SLC16A11: variants seen among roughly 807,000 people sequenced by gnomAD.
SLC16A11 encodes the protein solute carrier family 16 member 11, also known as monocarboxylate transporter 11.
SLC16A11 carries 24 observed loss-of-function variants against 26.0 expected under a neutral mutation model. The ratio of observed to expected loss-of-function variants is 0.92; its 90% confidence interval spans 0.67 to 1.30. The LOEUF (loss-of-function observed/expected upper bound fraction) is 1.30, where lower values mean the gene tolerates loss of function less well. SLC16A11 is among the 50% of genes most tolerant of loss of function. SLC16A11 has a pLI of 0.00. For missense variants in SLC16A11, 638 were observed against 597.7 expected, an observed-to-expected ratio of 1.07 and a Z score of -0.70; for synonymous variants, 332 against 296.0, an observed-to-expected ratio of 1.12 and a Z score of -1.25.
rs375539916 is a variant in SLC16A11 at position 7,041,864 on chromosome 17, G to T, written c.1159C>A (p.Leu387Met). ...ETGDFTASFL[L>M]SGSLILSGSF... ...CCGGAGAGGATCAAAGAACCAGACA[G>T]GAGGAAAGAGGCGGTGAAGTCTCCT... Residue 387 changes from leucine (L) to methionine (M), a missense_variant, in exon 5 of 5, where the codon CTG becomes ATG. Coordinates refer to ENST00000574600, the MANE Select transcript of SLC16A11 (RefSeq NM_001370549.1). 1.2e-6 allele frequency: 2 copies of T among 1,614,038 alleles called. No individual in the cohort carries two copies. Among genetic ancestry groups the T allele is most frequent in the Non-Finnish European group, 1.7e-6 (2 of 1,179,952 alleles).
chr17:7,042,824 GC>G lies in SLC16A11; in HGVS notation c.347-62del. 1 of 1,565,158 alleles carries G rather than the reference GC, an allele frequency of 6.4e-7. No individual in the cohort carries two copies. The highest frequency in any genetic ancestry group is 8.6e-7 in the Non-Finnish European group (1 of 1,156,176). ...GGGGACGCCCGCCCCAGCATTCCCA[GC>G]CCGGCTCTCCGCACCAGGCCCCCGC... On this transcript the variant is annotated intron_variant, in intron 3 of 4. Transcript: ENST00000574600. This position sits in a 1 kb window ranked among gnomAD's most constrained non-coding sequence, Gnocchi z 5.9.
chr17:7,042,101 A>G lies in SLC16A11; in HGVS notation c.1009T>C (p.Phe337Leu). 6.2e-7 allele frequency: 1 copy of G among 1,606,590 alleles called. No individual in the cohort carries two copies. The highest frequency in any genetic ancestry group is 8.5e-7 in the Non-Finnish European group (1 of 1,175,836). Residue 337 changes from phenylalanine to leucine, a missense_variant, in exon 4 of 5, where the codon TTC becomes CTC. Transcript: ENST00000574600. This position sits in a 1 kb window ranked among gnomAD's most constrained non-coding sequence, Gnocchi z 5.9. ...LSAGSYAPLV[F>L]GVLPGLVGVG... The stretch of plus-strand genomic sequence containing the variant: ...CCCACCAGCCCGGGGAGTACACCGA[A>G]AACCAGCGGGGCGTAACTCCCCGCG...
chr17:7,042,520 C>A lies in SLC16A11; in HGVS notation c.590G>T (p.Gly197Val). 1 of 1,565,598 alleles carries A rather than the reference C, an allele frequency of 6.4e-7. No individual in the cohort carries two copies. Among genetic ancestry groups the A allele is most frequent in the East Asian group, 2.3e-5 (1 of 43,096 alleles). Residue 197 changes from glycine (G) to valine (V), a missense_variant, in exon 4 of 5, where the codon GGA becomes GTA. Physicochemically the swap from Gly to Val is moderately radical, Grantham distance 109. Transcript: ENST00000574600. This position sits in a 1 kb window ranked among gnomAD's most constrained non-coding sequence, Gnocchi z 5.9. ...ACTACGCGGTGGGGCTGGGGGGTCTCCAGGAAGGACCAGGGGTAGCAGCAG... is the reference window on the plus strand; with the variant it reads ...ACTACGCGGTGGGGCTGGGGGGTCTACAGGAAGGACCAGGGGTAGCAGCAG... ...GALLLPLVLP[G>V]DPPAPPRSPL...
Position 7,043,057 on chromosome 17 carries a change from G to A in SLC16A11, c.219C>T (p.Ala73=), listed in dbSNP as rs1183227755. The A allele has an allele frequency of 9.6e-6, 15 of 1,557,748 alleles. No individual in the cohort carries two copies. Among genetic ancestry groups the A allele is most frequent in the Non-Finnish European group, 1.3e-5 (15 of 1,151,404 alleles). The change falls in exon 3 of 5, where the codon GCC becomes GCT. Residue 73 remains alanine (A), a synonymous_variant. Coordinates refer to ENST00000574600, the MANE Select transcript of SLC16A11 (RefSeq NM_001370549.1). ...GGCGGGCCCCCCAGCGCGTGCTCAG[G>A]GCGCTGCCCACGGGGCCTGAAAGGG... ...VQQAASPVGS[A]LSTRWGARPV...
In SLC16A11 at chr17:7,043,407, C is replaced by A; in HGVS notation, c.107G>T (p.Gly36Val). 1 of 1,607,162 alleles carries A rather than the reference C, an allele frequency of 6.2e-7. No individual in the cohort carries two copies. Among genetic ancestry groups the A allele is most frequent in the South Asian group, 1.1e-5 (1 of 90,652 alleles). The change falls in exon 2 of 5, where the codon GGC (glycine) becomes GTC (valine). Residue 36 changes from glycine to valine, a missense_variant. Physicochemically the swap from Gly to Val is moderately radical, Grantham distance 109. Transcript: ENST00000574600. The stretch of plus-strand genomic sequence containing the variant: ...CTCGGCAAGGTCAGGGAAGGCAAGG[C>A]CCAGCGAGCGCAGCAGCCCGTAGGA... Reference protein sequence around the residue: ...GLSYGLLRSLGLAFPDLAEHF... With the variant: ...GLSYGLLRSLVLAFPDLAEHF...
At position 7,043,060 on chromosome 17, in the gene SLC16A11, G is replaced by T. The variant is rs1410453517; in HGVS notation, c.216C>A (p.Ser72Arg). 3 of 1,553,088 alleles carry T rather than the reference G, an allele frequency of 1.9e-6. No individual in the cohort carries two copies. The highest frequency in any genetic ancestry group is 2.6e-6 in the Non-Finnish European group (3 of 1,149,010). Residue 72 changes from serine (S) to arginine (R), a missense_variant, in exon 3 of 5, where the codon AGC becomes AGA. Coordinates refer to ENST00000574600, the MANE Select transcript of SLC16A11 (RefSeq NM_001370549.1). ...AVQQAASPVG[S>R]ALSTRWGARP... is the part of the protein sequence containing the mutation. Reference sequence around the variant, plus strand: ...GGGCCCCCCAGCGCGTGCTCAGGGCGCTGCCCACGGGGCCTGAAAGGGGGC... The same window carrying T: ...GGGCCCCCCAGCGCGTGCTCAGGGCTCTGCCCACGGGGCCTGAAAGGGGGC...
At chr17:7,043,118 A>C (rs1163945527) in intron 2 of SLC16A11, 45 bp from the exon 3 acceptor site, 35 of 1,486,996 alleles carry the variant, frequency 2.4e-5, no homozygotes, top group Non-Finnish European at 3.0e-5. Flanking sequence ...CCGGGCCCCC[A>C]AACTCTCTCC....
Position 7,043,342 on chromosome 17 carries a change from C to T in SLC16A11, c.172G>A (p.Ala58Thr). Reference sequence around the variant, plus strand: ...GCCTGCTGCACGGCCAGGGCCAGGGCGCTGATCCACGCAGTGTCCTGGGCG... The same window carrying T: ...GCCTGCTGCACGGCCAGGGCCAGGGTGCTGATCCACGCAGTGTCCTGGGCG... ...RSAQDTAWIS[A>T]LALAVQQAAS... The change falls in exon 2 of 5, where the codon GCC becomes ACC. Residue 58 changes from alanine (A) to threonine (T), a missense_variant. Physicochemically the swap from Ala to Thr is moderately conservative, Grantham distance 58 (BLOSUM62 0). Transcript: ENST00000574600. The T allele has an allele frequency of 1.2e-6, 2 of 1,609,888 alleles. No homozygotes were observed. The highest frequency in any genetic ancestry group is 1.7e-6 in the Non-Finnish European group (2 of 1,179,804).
Position 7,043,852 on chromosome 17 carries a change from G to A in SLC16A11, c.-84C>T, listed in dbSNP as rs1026429862. 2.4e-6 allele frequency: 1 copy of A among 422,424 alleles called. No individual in the cohort carries two copies. Among genetic ancestry groups the A allele is most frequent in the African/African-American group, 2.1e-5 (1 of 48,598 alleles). 26.2% of individuals were successfully genotyped at this position (422,424 alleles called of 1,614,324 possible). On this transcript the variant is annotated 5_prime_UTR_variant, in exon 1 of 5. Coordinates refer to ENST00000574600, the MANE Select transcript of SLC16A11 (RefSeq NM_001370549.1). ...GGCTTTCTCTCTGCTTCCCAGGCGGGCGGGGGCCCCGAAGGGGAGCGAGGG... is the reference window on the plus strand; with the variant it reads ...GGCTTTCTCTCTGCTTCCCAGGCGGACGGGGGCCCCGAAGGGGAGCGAGGG...
chr17:7,043,477 A>C lies in SLC16A11; in HGVS notation c.37T>G (p.Trp13Gly). 6.3e-7 allele frequency: 1 copy of C among 1,598,734 alleles called. No homozygotes were observed. The highest frequency in any genetic ancestry group is 1.7e-5 in the Admixed American group (1 of 59,362). ...GCTGCGGCCGCCACCACCCAGCCCC[A>C]GCCCCCATCCGGGGGTCCGGCGGGC... ...PQPAGPPDGGWGWVVAAAAFA... is the reference protein window; with the variant it reads ...PQPAGPPDGGGGWVVAAAAFA... The change falls in exon 2 of 5, where the codon TGG becomes GGG. Residue 13 changes from tryptophan (W) to glycine (G), a missense_variant. Trp to Gly is a radical substitution (Grantham distance 184). Transcript: ENST00000574600.
Position 7,042,874 on chromosome 17 carries a change from A to G in SLC16A11, c.346+56T>C, listed in dbSNP as rs946723379. On this transcript the variant is annotated intron_variant, in intron 3 of 4. Coordinates refer to ENST00000574600, the MANE Select transcript of SLC16A11 (RefSeq NM_001370549.1). The surrounding 1 kb of genome is among the most constrained non-coding windows in gnomAD (Gnocchi z 5.9). ...GCCTCGTTCGCTACCCCAGATCCCA[A>G]CAAGCTCCTGTCACCTCCTTCACCC... 3 of 1,608,946 alleles carry G rather than the reference A, an allele frequency of 1.9e-6. No individual in the cohort carries two copies. Among genetic ancestry groups the G allele is most frequent in the Non-Finnish European group, 2.5e-6 (3 of 1,178,218 alleles).
chr17:7,042,174 C>G lies in SLC16A11; in HGVS notation c.936G>C (p.Glu312Asp). The G allele has an allele frequency of 6.4e-7, 1 of 1,570,002 alleles. No individual in the cohort carries two copies. The highest frequency in any genetic ancestry group is 8.6e-7 in the Non-Finnish European group (1 of 1,159,512). Residue 312 changes from glutamate (E) to aspartate (D), a missense_variant, in exon 4 of 5, where the codon GAG (glutamate) becomes GAC (aspartate). Coordinates refer to ENST00000574600, the MANE Select transcript of SLC16A11 (RefSeq NM_001370549.1). The surrounding 1 kb of genome is among the most constrained non-coding windows in gnomAD (Gnocchi z 5.9). ...CGGCCAGCAGGGGACCCCCCCAGCT[C>G]TCTTCGCCGCCCACCACGGGCACCA... ...VGLVPVVGGE[E>D]SWGGPLLAAA...
rs200733054 is a variant in SLC16A11, at chr17:7,043,012, G to T, written c.264C>A (p.Gly88=). Reference sequence around the variant, plus strand: ...AGACGAAGCCCAGCGAGGCGAGGACGCCCCCAACCATCACCACGGGGCGGG... The same window carrying T: ...AGACGAAGCCCAGCGAGGCGAGGACTCCCCCAACCATCACCACGGGGCGGG... ...WGARPVVMVG[G]VLASLGFVFS... is the part of the protein sequence containing the mutation. The change falls in exon 3 of 5, where the codon GGC becomes GGA. Residue 88 remains glycine (G), a synonymous_variant. Transcript: ENST00000574600. The T allele has an allele frequency of 6.3e-7, 1 of 1,597,688 alleles. No individual in the cohort carries two copies. Among genetic ancestry groups the T allele is most frequent in the Non-Finnish European group, 8.5e-7 (1 of 1,172,464 alleles).
In SLC16A11 at chr17:7,042,015, G is replaced by A. The variant is rs368794594; in HGVS notation, c.1095C>T (p.Leu365=). The change falls in exon 4 of 5, where the codon CTC becomes CTT. Residue 365 remains leucine, a synonymous_variant. Transcript: ENST00000574600. This position sits in a 1 kb window ranked among gnomAD's most constrained non-coding sequence, Gnocchi z 5.9. ...CCTTACCTGACAGGGGAGGGCCCAG[G>A]AGCCCCCCGAGGCTCATCAGCATCA... ...LVMMLMSLGG[L]LGPPLSGFLR... The A allele has an allele frequency of 1.1e-5, 17 of 1,578,726 alleles. No homozygotes were observed. The highest frequency in any genetic ancestry group is 1.2e-5 in the Non-Finnish European group (14 of 1,158,956).
chr17:7,042,866 A>C lies in SLC16A11; in HGVS notation c.346+64T>G. ...AGGCCCCCGCCTCGTTCGCTACCCC[A>C]GATCCCAACAAGCTCCTGTCACCTC... On this transcript the variant is annotated intron_variant, in intron 3 of 4. Coordinates refer to ENST00000574600, the MANE Select transcript of SLC16A11 (RefSeq NM_001370549.1). The surrounding 1 kb of genome is among the most constrained non-coding windows in gnomAD (Gnocchi z 5.9). The C allele has an allele frequency of 6.2e-7, 1 of 1,605,762 alleles. No homozygotes were observed. The highest frequency in any genetic ancestry group is 8.5e-7 in the Non-Finnish European group (1 of 1,176,686).
At position 7,042,368 on chromosome 17, in the gene SLC16A11, G is replaced by T. The variant is rs375670355; in HGVS notation, c.742C>A (p.Arg248=). The T allele has an allele frequency of 1.9e-6, 3 of 1,565,488 alleles. No homozygotes were observed. The highest frequency in any genetic ancestry group is 1.7e-6 in the Non-Finnish European group (2 of 1,154,326). The change falls in exon 4 of 5, where the codon CGG becomes AGG. Residue 248 remains arginine (R), a synonymous_variant. Transcript: ENST00000574600. This position sits in a 1 kb window ranked among gnomAD's most constrained non-coding sequence, Gnocchi z 5.9. ...GCTGCTCCGTATCCCCCCAGGCCCC[G>T]GTCTAAAGCGTGGGGAGCCAAGTGC... ...YVHLAPHALD[R]GLGGYGAALV...
In SLC16A11 at chr17:7,041,639, A is replaced by C; in HGVS notation, c.*40T>G. On this transcript the variant is annotated 3_prime_UTR_variant, in exon 5 of 5. Transcript: ENST00000574600. ...TTGGAGGTTTCAGGAAAACCCGATA[A>C]AAATTCTTTATTGGGGGAGGGGCTC... 4 of 1,530,314 alleles carry C rather than the reference A, an allele frequency of 2.6e-6. No homozygotes were observed. Among genetic ancestry groups the C allele is most frequent in the Non-Finnish European group, 3.5e-6 (4 of 1,136,982 alleles). 94.8% of individuals were successfully genotyped at this position (1,530,314 alleles called of 1,614,324 possible). A position where few individuals can be genotyped will look rare whatever the true frequency, so the allele number is the denominator to read the frequency against.
chr17:7,042,252 C>A lies in SLC16A11; in HGVS notation c.858G>T (p.Arg286=). The A allele has an allele frequency of 1.3e-6, 2 of 1,579,104 alleles. No homozygotes were observed. Among genetic ancestry groups the A allele is most frequent in the Middle Eastern group, 1.7e-4 (1 of 5,866 alleles). ...LADQGWVPLP[R]LLAVFGALTG... is the part of the protein sequence containing the mutation. ...TCAGAGCCCCGAATACGGCCAGCAG[C>A]CGCGGGAGGGGCACCCAGCCTTGGT... is the stretch of plus-strand genomic sequence containing the variant. Residue 286 remains arginine (R), a synonymous_variant, in exon 4 of 5, where the codon CGG becomes CGT. Transcript: ENST00000574600. This position sits in a 1 kb window ranked among gnomAD's most constrained non-coding sequence, Gnocchi z 5.9.
chr17:7,043,759 A>C lies in SLC16A11; in HGVS notation c.-7+16T>G. ...GCCCGAGGTTCCCCGTCCCACGCAC[A>C]CTCCTTCCCCCTTACCCGACCTCTC... On this transcript the variant is annotated intron_variant, in intron 1 of 4. Coordinates refer to ENST00000574600, the MANE Select transcript of SLC16A11 (RefSeq NM_001370549.1). 4.2e-6 allele frequency: 3 copies of C among 707,416 alleles called. No homozygotes were observed. The highest frequency in any genetic ancestry group is 6.6e-6 in the Non-Finnish European group (3 of 455,552). 43.8% of individuals were successfully genotyped at this position (707,416 alleles called of 1,614,324 possible). A position where few individuals can be genotyped will look rare whatever the true frequency, so the allele number is the denominator to read the frequency against.
Sources: gnomAD v4.1 joint callset for allele counts on GRCh38, gnomAD v4.1.1 for gene constraint, Gnocchi (gnomAD v3.1) non-coding constraint, MANE v1.5 for transcripts, NCBI Gene and HGNC (gene_info 2026-07-23, HGNC 2026-07-21) for gene names.